The following RTP2 variants were observed in gnomAD, a reference collection of about 807,000 sequenced individuals.
RTP2 encodes receptor transporter protein 2, also known as receptor-transporting protein 2.
In RTP2, 12 loss-of-function variants were observed where a neutral mutation model predicts 17.9. The ratio of observed to expected loss-of-function variants is 0.67; its 90% confidence interval spans 0.43 to 1.09. The LOEUF is 1.09. Among genes scored for constraint, RTP2 ranks in the 50% least tolerant of loss-of-function variants. RTP2 has a pLI of 0.00. For synonymous variants in RTP2, 126 were observed against 117.7 expected (o/e 1.07, Z -0.46); for missense variants, 327 against 295.7 (o/e 1.11, Z -0.78).
chr3:187,706,574 C>G (rs1396424816), upstream of RTP2, among the ~76,000 whole-genome samples: 1 of 152,108 alleles, frequency 6.6e-6, no homozygotes, highest in African/African-American at 2.4e-5. Context: ...CCAATGCATG[C>G]CTCACTTCAT....
At chr3:187,715,185 T>G in the RTP2 span, among the ~76,000 whole-genome samples, 1 of 152,158 alleles carries the variant, frequency 6.6e-6, no homozygotes. Context: ...TAGGATCTTG[T>G]GTAATCTCAA....
chr3:187,703,855 T>G (rs1717923226), upstream of RTP2, among the ~76,000 whole-genome samples: 1 of 152,202 alleles, frequency 6.6e-6, no homozygotes, highest in Non-Finnish European at 1.5e-5. Flanking sequence ...TGTATTTTCT[T>G]TTTTCCTCAA....
the RTP2 span, among the ~76,000 whole-genome samples, chr3:187,713,518 C>T: frequency 6.6e-6 from 1 of 152,158 alleles, no homozygotes; most frequent in African/African-American, 2.4e-5. Flanking sequence ...ACCCCAAGAA[C>T]GCTGGTTACA....
At chr3:187,714,589 C>T in the RTP2 span, among the ~76,000 whole-genome samples, 2 of 152,234 alleles carry the variant, frequency 1.3e-5, no homozygotes, top group Non-Finnish European at 2.9e-5. Context: ...ACCCTGCCAC[C>T]TTGTGGCTAT....
chr3:187,709,761 G>GAA, the RTP2 span, among the ~76,000 whole-genome samples: 315 of 152,058 alleles, frequency 2.1e-3, 2 homozygotes, highest in Middle Eastern at 6.8e-3. Context: ...ATTAAAATTT[G>GAA]AAAAAAATGT....
intron 1 of RTP2, among the ~76,000 whole-genome samples, chr3:187,699,742 CA>C (rs879454714): frequency 0.2 from 7,247 of 35,462 alleles, 284 homozygotes; most frequent in African/African-American, 0.25. Context: ...CACACACACA[CA>C]CACACACACA....
At chr3:187,705,336 C>T (rs1056506021), upstream of RTP2, among the ~76,000 whole-genome samples, 3 of 152,082 alleles carry the variant, frequency 2.0e-5, no homozygotes, top group Non-Finnish European at 2.9e-5. Flanking sequence ...AGCTGAGGCT[C>T]AACACACACA....
chr3:187,700,515 C>T (rs916264513), intron 1 of RTP2, among the ~76,000 whole-genome samples: 1 of 152,210 alleles, frequency 6.6e-6, no homozygotes, highest in Non-Finnish European at 1.5e-5. Context: ...AGCTCAGCCC[C>T]GAAACTCTGG....
intron 1 of RTP2, among the ~76,000 whole-genome samples, chr3:187,700,327 C>T (rs1717813768): frequency 6.6e-6 from 1 of 152,226 alleles, no homozygotes; most frequent in Non-Finnish European, 1.5e-5. Flanking sequence ...TCCCCGCCCC[C>T]AGTGCTGGGT....
chr3:187,713,893 T>G, the RTP2 span, among the ~76,000 whole-genome samples: 3 of 152,310 alleles, frequency 2.0e-5, no homozygotes, highest in South Asian at 6.2e-4. Context: ...CAAATTGGCC[T>G]TAGGTTCTCT....
chr3:187,702,603 T>C, upstream of RTP2: 1 of 456,652 alleles, frequency 2.2e-6, no homozygotes, highest in East Asian at 7.0e-5. Flanking sequence ...AGCCTGCTGC[T>C]TCCACACCCC....
chr3:187,708,625 T>A, the RTP2 span, among the ~76,000 whole-genome samples: 3 of 152,230 alleles, frequency 2.0e-5, no homozygotes, highest in Non-Finnish European at 4.4e-5. Flanking sequence ...AGCAGACTAG[T>A]TCCTCATCTT....
At chr3:187,700,652 A>G (rs1717821474) in intron 1 of RTP2, among the ~76,000 whole-genome samples, 1 of 152,206 alleles carries the variant, frequency 6.6e-6, no homozygotes, top group Non-Finnish European at 1.5e-5. Flanking sequence ...ACCTACATCA[A>G]GTTAGGCCTC....
chr3:187,703,323 G>A (rs917427789), upstream of RTP2, among the ~76,000 whole-genome samples: 6 of 152,152 alleles, frequency 3.9e-5, no homozygotes, highest in African/African-American at 7.2e-5. Context: ...GCTAAGAACC[G>A]GAAGCTCTTG....
chr3:187,714,445 C>T, the RTP2 span, among the ~76,000 whole-genome samples: 2 of 152,172 alleles, frequency 1.3e-5, no homozygotes, highest in Admixed American at 6.5e-5. Context: ...GCTGAGATGA[C>T]GAAGAGGATT....
chr3:187,702,645 C>T, upstream of RTP2: 1 of 453,494 alleles, frequency 2.2e-6, no homozygotes, highest in Non-Finnish European at 4.4e-6. Flanking sequence ...TTACCATGTG[C>T]CTAGCACAAA....
At chr3:187,699,676 C>G (rs1027124374) in intron 1 of RTP2, among the ~76,000 whole-genome samples, 7 of 151,844 alleles carry the variant, frequency 4.6e-5, no homozygotes, top group Admixed American at 4.6e-4. Flanking sequence ...CTAGATCCCA[C>G]TCTAGCCCTG....
chr3:187,700,926 AG>A (rs1425926960), intron 1 of RTP2, among the ~76,000 whole-genome samples: 2 of 152,282 alleles, frequency 1.3e-5, no homozygotes, highest in Admixed American at 6.5e-5. Flanking sequence ...CAATAATTCC[AG>A]GTCTTGGGAC....
At chr3:187,704,586 A>T (rs1314321822), upstream of RTP2, among the ~76,000 whole-genome samples, 2 of 152,192 alleles carry the variant, frequency 1.3e-5, no homozygotes, top group African/African-American at 4.8e-5. Flanking sequence ...GATTGAGTAA[A>T]ATGAGCTAGT....
Sources: allele counts gnomAD v4.1 joint callset (sites outside exome capture counted in the v4.1 genomes callset), GRCh38; gene constraint gnomAD v4.1.1; transcripts MANE v1.5; gene names NCBI Gene and HGNC (gene_info 2026-07-23, HGNC 2026-07-21).